Variants in CADPS observed in about 807,000 individuals in gnomAD.
The protein encoded by CADPS is calcium dependent secretion activator.
In CADPS, 57 loss-of-function variants were observed where a neutral mutation model predicts 167.3. The observed-to-expected ratio is 0.34, with a 90% CI of 0.28 to 0.42. The LOEUF is 0.42. Ranked by LOEUF, CADPS falls within the 20% of genes least tolerant of loss-of-function variation. CADPS has a pLI of 1.00. For synonymous variants in CADPS, 676 were observed against 635.3 expected (o/e 1.06, Z -0.96); for missense variants, 1,414 against 1,738.1 (o/e 0.81, Z 3.32).
intron 11 of CADPS, among the ~76,000 whole-genome samples, chr3:62,543,486 C>T (rs1332587709): frequency 6.6e-6 from 1 of 152,086 alleles, no homozygotes; most frequent in Non-Finnish European, 1.5e-5. Flanking sequence ...TAAATTCCCA[C>T]TAAGTTTACA....
chr3:62,698,905 ATT>A (rs879698686), intron 3 of CADPS, among the ~76,000 whole-genome samples: 3 of 149,090 alleles, frequency 2.0e-5, no homozygotes, highest in East Asian at 2.0e-4. Flanking sequence ...ATGCCCAGCT[ATT>A]TTTTTTAAAA....
intron 1 of CADPS, among the ~76,000 whole-genome samples, chr3:62,775,372 T>C (rs6785029): frequency 0.62 from 94,087 of 151,946 alleles, 29,906 homozygotes; most frequent in East Asian, 0.93. Flanking sequence ...TTTTATTTTT[T>C]AAAAATCATA....
intron 3 of CADPS, among the ~76,000 whole-genome samples, chr3:62,667,972 C>T (rs1350148883): frequency 6.6e-6 from 1 of 152,142 alleles, no homozygotes; most frequent in South Asian, 2.1e-4. Flanking sequence ...TTGGCCTTGA[C>T]AGTGCGCCTG....
At chr3:62,618,623 A>G (rs149566737) in intron 6 of CADPS, among the ~76,000 whole-genome samples, 133 of 152,212 alleles carry the variant, frequency 8.7e-4, no homozygotes, top group African/African-American at 3.1e-3. Flanking sequence ...CCCATCTTCC[A>G]TGTTCCATGC....
intron 7 of CADPS, among the ~76,000 whole-genome samples, chr3:62,590,340 C>T (rs2148747736): frequency 6.6e-6 from 1 of 152,250 alleles, no homozygotes; most frequent in Middle Eastern, 3.4e-3. Context: ...TTCTTAACAT[C>T]TGCCTTACTG....
intron 3 of CADPS, among the ~76,000 whole-genome samples, chr3:62,716,033 C>A (rs34994680): frequency 0.079 from 11,984 of 151,250 alleles, 624 homozygotes; most frequent in Non-Finnish European, 0.12. Context: ...GAGTGAGCCA[C>A]TGCATCCGAC....
rs767919321 is a variant in CADPS at position 62,570,923 on chromosome 3, G to A, written c.1593C>T (p.Ile531=). 8.7e-6 allele frequency: 14 copies of A among 1,608,408 alleles called. No individual in the cohort carries two copies. Among genetic ancestry groups the A allele is most frequent in the East Asian group, 4.5e-5 (2 of 44,866 alleles). Residue 531 remains isoleucine, a synonymous_variant, in exon 9 of 30, where the codon ATC becomes ATT. Transcript: ENST00000383710. Reference sequence around the variant, plus strand: ...TCCATCTCTTCCAGACATTCTTACCGATGGCCCATAAATACCTAAGGGAAA... The same window carrying A: ...TCCATCTCTTCCAGACATTCTTACCAATGGCCCATAAATACCTAAGGGAAA... The part of the protein sequence containing the change: ...NMKHSGYLWA[I]GKNVWKRWKK...
rs1356974917 is a variant in CADPS, at chr3:62,438,615, G to T, written c.3670-404C>A. 2 of 163,230 alleles carry T rather than the reference G, an allele frequency of 1.2e-5. No homozygotes were observed. Among genetic ancestry groups the T allele is most frequent in the Admixed American group, 6.3e-5 (1 of 15,902 alleles). The allele number at this position is 163,230 out of a possible 1,614,324, so 10.1% of individuals were successfully genotyped here. Reference sequence around the variant, plus strand: ...GTCCTTAATATATTATCAGACGGGTGATGGAACTTCCCATTCCTTTTTCCT... The same window carrying T: ...GTCCTTAATATATTATCAGACGGGTTATGGAACTTCCCATTCCTTTTTCCT... On this transcript the variant is annotated intron_variant, in intron 27 of 29. Coordinates refer to ENST00000383710, the MANE Select transcript of CADPS (RefSeq NM_003716.4). This position sits in a 1 kb window ranked among gnomAD's most constrained non-coding sequence, Gnocchi z 4.7.
At chr3:62,746,198 A>T (rs2081409087) in intron 3 of CADPS, among the ~76,000 whole-genome samples, 1 of 152,218 alleles carries the variant, frequency 6.6e-6, no homozygotes, top group South Asian at 2.1e-4. Context: ...TATAACTTCT[A>T]TCAAGAGTAT....
intron 1 of CADPS, among the ~76,000 whole-genome samples, chr3:62,811,150 G>A (rs985930405): frequency 2.6e-5 from 4 of 152,158 alleles, no homozygotes; most frequent in Non-Finnish European, 5.9e-5. Context: ...GAGTTGGAGG[G>A]AAAGCACATT....
chr3:62,820,489 A>T (rs1253115536), intron 1 of CADPS, among the ~76,000 whole-genome samples: 1 of 152,112 alleles, frequency 6.6e-6, no homozygotes, highest in African/African-American at 2.4e-5. Context: ...AGCCTACTGT[A>T]TGAAGTGGAA....
chr3:62,795,235 A>T (rs147717807), intron 1 of CADPS, among the ~76,000 whole-genome samples: 1 of 152,096 alleles, frequency 6.6e-6, no homozygotes, highest in Non-Finnish European at 1.5e-5. Flanking sequence ...CCCTTCTGGT[A>T]TCATTTTTGA....
intron 1 of CADPS, among the ~76,000 whole-genome samples, chr3:62,811,041 C>A (rs1440551264): frequency 2.0e-5 from 3 of 152,170 alleles, no homozygotes; most frequent in African/African-American, 7.2e-5. Flanking sequence ...TATAAACCAG[C>A]CCTTCTTAAA....
At chr3:62,621,667 T>A (rs112365981) in intron 6 of CADPS, among the ~76,000 whole-genome samples, 8 of 152,146 alleles carry the variant, frequency 5.3e-5, no homozygotes, top group African/African-American at 1.9e-4. Context: ...GGGTTTCTTG[T>A]GCAGTTTATT....
At chr3:62,490,016 A>G (rs909706256) in intron 21 of CADPS, among the ~76,000 whole-genome samples, 12 of 152,196 alleles carry the variant, frequency 7.9e-5, no homozygotes, top group Non-Finnish European at 1.3e-4. Flanking sequence ...CCTCCCTGCA[A>G]TAGGGAAACT....
intron 3 of CADPS, among the ~76,000 whole-genome samples, chr3:62,711,374 T>C (rs918970332): frequency 3.9e-5 from 6 of 152,238 alleles, no homozygotes; most frequent in Admixed American, 1.3e-4. Flanking sequence ...GTTTGTTGCC[T>C]ACATTCATAA....
intron 1 of CADPS, among the ~76,000 whole-genome samples, chr3:62,811,897 T>C (rs551635056): frequency 6.6e-6 from 1 of 152,332 alleles, no homozygotes; most frequent in East Asian, 1.9e-4. Flanking sequence ...AGTATTTATT[T>C]GGCTTTAATA....
rs367749215 is a variant in CADPS at position 62,694,835 on chromosome 3, G to C, written c.889-32441C>G. Among the ~76,000 whole-genome samples the C allele has an allele frequency of 4.2e-4, 64 of 152,170 alleles. No homozygotes were observed. The South Asian group carries it at 0.013, about 31-fold the overall frequency. On this transcript the variant is annotated intron_variant, in intron 3 of 29. Transcript: ENST00000383710. The stretch of plus-strand genomic sequence containing the variant: ...GACTCAGTTATATTGCTGGTTAGGA[G>C]ACACCACCCTAAAAAAATGGGACTC...
chr3:62,723,027 T>G (rs2076104453), intron 3 of CADPS, among the ~76,000 whole-genome samples: 1 of 152,160 alleles, frequency 6.6e-6, no homozygotes. Context: ...ATTTTATTCA[T>G]TAGTTGAGGA....
Sources: allele counts gnomAD v4.1 joint callset (sites outside exome capture counted in the v4.1 genomes callset), GRCh38; gene constraint gnomAD v4.1.1; non-coding constraint Gnocchi (gnomAD v3.1); transcripts MANE v1.5; gene names NCBI Gene and HGNC (gene_info 2026-07-23, HGNC 2026-07-21).